Variants in PARD3B observed in about 807,000 individuals in gnomAD.
PARD3B encodes partitioning defective 3 homolog B.
In PARD3B, 103 loss-of-function variants were observed where a neutral mutation model predicts 130.2. The observed-to-expected ratio is 0.79, with a 90% confidence interval of 0.67 to 0.93. PARD3B has a LOEUF of 0.93. Among genes scored for constraint, PARD3B ranks in the 40% least tolerant of loss-of-function variants. PARD3B has a pLI of 0.00. For missense variants in PARD3B, 1,609 were observed against 1,499.2 expected, an observed-to-expected ratio of 1.07 and a Z score of -1.21; for synonymous variants, 583 against 553.2, an observed-to-expected ratio of 1.05 and a Z score of -0.76.
intron 3 of PARD3B, among the ~76,000 whole-genome samples, chr2:205,046,996 T>G (rs1698830713): frequency 6.6e-6 from 1 of 152,202 alleles, no homozygotes; most frequent in South Asian, 2.1e-4. Flanking sequence ...TCAGGATATA[T>G]TTTTAGAAGA....
rs1574882201 is a variant in PARD3B, at chr2:205,385,731, G to C, written c.2631-15282G>C. Among the ~76,000 whole-genome samples the C allele has an allele frequency of 2.0e-5, 3 of 152,144 alleles. 1 individual carries two copies. Among genetic ancestry groups the C allele is most frequent in the African/African-American group, 7.2e-5 (3 of 41,502 alleles). ...TGACTCAACATTAGTTGAGGCCTAG[G>C]CTAGTAGCTACCAGTCAGTGAAAAG... On this transcript the variant is annotated intron_variant, in intron 18 of 22. Transcript: ENST00000406610.
At chr2:204,866,333 TGA>T (rs1200704594) in intron 2 of PARD3B, among the ~76,000 whole-genome samples, 2 of 152,182 alleles carry the variant, frequency 1.3e-5, no homozygotes, top group South Asian at 2.1e-4. Flanking sequence ...TGAGTTATTG[TGA>T]GAGTTAAAAG....
Position 205,280,560 on chromosome 2 carries a change from A to C in PARD3B, c.2186-19970A>C, listed in dbSNP as rs2041149064. The stretch of plus-strand genomic sequence containing the variant: ...CTTAAGGGAGGGCTTTGGTTCTCAG[A>C]GAATATCAAATTCCGATGTCAGTTT... On this transcript the variant is annotated intron_variant, in intron 16 of 22. Transcript: ENST00000406610. This position sits in a 1 kb window ranked among gnomAD's most constrained non-coding sequence, Gnocchi z 4.7. Among the ~76,000 whole-genome samples the C allele has an allele frequency of 6.6e-6, 1 of 152,196 alleles. No homozygotes were observed. Among genetic ancestry groups the C allele is most frequent in the African/African-American group, 2.4e-5 (1 of 41,454 alleles).
At chr2:205,191,093 G>C (rs1303606428) in intron 14 of PARD3B, among the ~76,000 whole-genome samples, 1 of 136,140 alleles carries the variant, frequency 7.3e-6, no homozygotes, top group Non-Finnish European at 1.6e-5. Flanking sequence ...AAAAAAAAAG[G>C]CTACATAACC....
At chr2:205,457,403 A>G (rs551460928) in intron 20 of PARD3B, among the ~76,000 whole-genome samples, 11 of 151,890 alleles carry the variant, frequency 7.2e-5, no homozygotes, top group Admixed American at 2.6e-4. Context: ...TTTTTTGTCA[A>G]TCTTGTAGAT....
chr2:205,413,335 C>T (rs2046665404), intron 19 of PARD3B, among the ~76,000 whole-genome samples: 1 of 152,050 alleles, frequency 6.6e-6, no homozygotes, highest in Non-Finnish European at 1.5e-5. Flanking sequence ...AACATGCCTT[C>T]TCTCCCTTAC....
At chr2:205,606,485 C>G (rs1481649177) in intron 22 of PARD3B, among the ~76,000 whole-genome samples, 1 of 152,036 alleles carries the variant, frequency 6.6e-6, no homozygotes, top group Non-Finnish European at 1.5e-5. Flanking sequence ...GTAGCTGGTG[C>G]AGAATTCACT....
chr2:204,609,527 G>C (rs1239024617), intron 1 of PARD3B, among the ~76,000 whole-genome samples: 1 of 152,154 alleles, frequency 6.6e-6, no homozygotes, highest in Non-Finnish European at 1.5e-5. Context: ...CTAAAGAACT[G>C]GGATATCTTG....
rs1691320365 is a variant in PARD3B at position 204,967,062 on chromosome 2, G to GC, written c.394+1740dup. Among the ~76,000 whole-genome samples the GC allele has an allele frequency of 2.0e-5, 3 of 152,260 alleles. No homozygotes were observed. The highest frequency in any genetic ancestry group is 4.1e-4 in the South Asian group (2 of 4,822). ...CATTTTGCTGTGCTGCCTCTGACAT[G>GC]CAATTCCTAAAACAACCAACTAATA... is the stretch of plus-strand genomic sequence containing the variant. On this transcript the variant is annotated intron_variant, in intron 3 of 22. Transcript: ENST00000406610. The surrounding 1 kb of genome is among the most constrained non-coding windows in gnomAD (Gnocchi z 4.4).
chr2:205,193,357 C>T (rs780750796), intron 15 of PARD3B, 37 bp downstream of exon 15: 4 of 1,436,200 alleles, frequency 2.8e-6, no homozygotes, highest in Admixed American at 1.7e-5. Flanking sequence ...GTCAGCTCTC[C>T]AGCCTCAGCC....
At chr2:204,913,772 T>C (rs942092919) in intron 2 of PARD3B, among the ~76,000 whole-genome samples, 1 of 152,218 alleles carries the variant, frequency 6.6e-6, no homozygotes, top group Non-Finnish European at 1.5e-5. Context: ...TAACTAAAAA[T>C]ATACATTTTG....
intron 3 of PARD3B, among the ~76,000 whole-genome samples, chr2:204,989,357 C>A: frequency 6.6e-6 from 1 of 152,102 alleles, no homozygotes; most frequent in Admixed American, 6.5e-5. Context: ...CAGGATGGAA[C>A]CAGAACTGGA....
At chr2:205,417,814 C>T (rs571460141) in intron 19 of PARD3B, among the ~76,000 whole-genome samples, 3 of 152,158 alleles carry the variant, frequency 2.0e-5, no homozygotes, top group African/African-American at 4.8e-5. Context: ...TTGTAGGCAC[C>T]CTGCAGATGG....
chr2:205,554,850 T>G (rs1265617789), intron 22 of PARD3B, among the ~76,000 whole-genome samples: 3 of 152,186 alleles, frequency 2.0e-5, no homozygotes, highest in African/African-American at 7.2e-5. Flanking sequence ...AAGATGTGCA[T>G]AGGTTATATA....
At chr2:205,023,126 A>G (rs1696745714) in intron 3 of PARD3B, among the ~76,000 whole-genome samples, 6 of 152,156 alleles carry the variant, frequency 3.9e-5, no homozygotes, top group Admixed American at 2.6e-4. Context: ...GTGCCCAATC[A>G]GAGAGTGTCG....
At chr2:205,436,698 G>A (rs2047529317) in intron 19 of PARD3B, among the ~76,000 whole-genome samples, 3 of 152,110 alleles carry the variant, frequency 2.0e-5, no homozygotes, top group African/African-American at 7.2e-5. Flanking sequence ...CCTTTTGCCA[G>A]ATTTGCTGGG....
intron 18 of PARD3B, among the ~76,000 whole-genome samples, chr2:205,354,067 C>T (rs1221118173): frequency 5.5e-5 from 6 of 109,932 alleles, no homozygotes; most frequent in Non-Finnish European, 8.4e-5. Context: ...GGGTCTTGCT[C>T]TGTTGCCCAG....
Position 204,987,078 on chromosome 2 carries a change from C to A in PARD3B, c.394+21755C>A, listed in dbSNP as rs13433025. 1.8e-3 allele frequency among the ~76,000 whole-genome samples: 267 copies of A among 152,228 alleles called. 2 individuals are homozygous for A. Among genetic ancestry groups the A allele is most frequent in the African/African-American group, 6.2e-3 (257 of 41,542 alleles). ...GGTTTGGTGTATTAAATGGCACTCT[C>A]ATGTACTATAAGAGTTAACACAACT... On this transcript the variant is annotated intron_variant, in intron 3 of 22. Coordinates refer to ENST00000406610, the MANE Select transcript of PARD3B (RefSeq NM_001302769.2).
At chr2:204,982,109 A>T (rs911096132) in intron 3 of PARD3B, among the ~76,000 whole-genome samples, 3 of 152,088 alleles carry the variant, frequency 2.0e-5, no homozygotes, top group African/African-American at 7.2e-5. Flanking sequence ...GGAGACTTTT[A>T]TTTTTTATTT....
Sources: allele counts gnomAD v4.1 joint callset (sites outside exome capture counted in the v4.1 genomes callset), GRCh38; gene constraint gnomAD v4.1.1; non-coding constraint Gnocchi (gnomAD v3.1); transcripts MANE v1.5; gene names NCBI Gene and HGNC (gene_info 2026-07-23, HGNC 2026-07-21).